Variants in STX18 observed in about 807,000 individuals in gnomAD.
The protein encoded by STX18 is syntaxin-18.
STX18 carries 40 observed loss-of-function variants against 50.1 expected under a neutral mutation model. The ratio of observed to expected loss-of-function variants is 0.80; its 90% CI spans 0.62 to 1.04. STX18 has a LOEUF of 1.04. Ranked by LOEUF, STX18 falls within the 50% of genes least tolerant of loss-of-function variation. The pLI is 0.00. For synonymous variants in STX18, 158 were observed against 151.8 expected (o/e 1.04, Z -0.30); for missense variants, 410 against 415.8 (o/e 0.99, Z 0.12).
chr4:4,490,746 T>C (rs1388708222), intron 1 of STX18, among the ~76,000 whole-genome samples: 46 of 152,178 alleles, frequency 3.0e-4, no homozygotes, highest in Non-Finnish European at 5.9e-5. Flanking sequence ...TTAACCTTTA[T>C]TTTAAATTAC....
chr4:4,504,408 A>T (rs1165648668), intron 1 of STX18, among the ~76,000 whole-genome samples: 1 of 152,224 alleles, frequency 6.6e-6, no homozygotes, highest in Non-Finnish European at 1.5e-5. Flanking sequence ...TCTTAACTGA[A>T]TATCTGTTTT....
At chr4:4,434,304 T>C (rs1463694496) in intron 7 of STX18, among the ~76,000 whole-genome samples, 1 of 152,080 alleles carries the variant, frequency 6.6e-6, no homozygotes, top group Non-Finnish European at 1.5e-5. Flanking sequence ...AACCCACCCA[T>C]AGATGGTAAG....
intron 7 of STX18, among the ~76,000 whole-genome samples, chr4:4,426,908 G>C (rs1325751121): frequency 2.6e-5 from 4 of 152,134 alleles, no homozygotes; most frequent in African/African-American, 9.7e-5. Context: ...TGCTCTGACA[G>C]GCTAGTTTCC....
intron 1 of STX18, among the ~76,000 whole-genome samples, chr4:4,488,587 C>A (rs184591834): frequency 6.6e-6 from 1 of 152,200 alleles, no homozygotes; most frequent in African/African-American, 2.4e-5. Flanking sequence ...CTAGGTGGTG[C>A]TCTCCACCAC....
intron 1 of STX18, among the ~76,000 whole-genome samples, chr4:4,498,080 TATTA>T (rs1441199969): frequency 6.6e-6 from 1 of 152,210 alleles, no homozygotes; most frequent in Non-Finnish European, 1.5e-5. Context: ...TTAATAACGG[TATTA>T]ATTAGGAAAT....
chr4:4,445,587 T>C (rs763322734), intron 5 of STX18, among the ~76,000 whole-genome samples: 1 of 151,062 alleles, frequency 6.6e-6, no homozygotes, highest in Non-Finnish European at 1.5e-5. Flanking sequence ...TCGTTTACAA[T>C]AGAATAAAAA....
At position 4,507,236 on chromosome 4, in the gene STX18, C is replaced by T. The variant is rs1198562813; in HGVS notation, c.168+34561G>A. ...CATGCAATTATGAGGGTAAACAACC[C>T]ATACTTTACAGTGTACTATAAAGAG... is the stretch of plus-strand genomic sequence containing the variant. On this transcript the variant is annotated intron_variant, in intron 1 of 10. Transcript: ENST00000306200. 4.6e-6 allele frequency: 3 copies of T among 651,192 alleles called. No individual in the cohort carries two copies. The African/African-American group carries it at 5.4e-5, about 12-fold the overall frequency. 40.3% of individuals were successfully genotyped at this position (651,192 alleles called of 1,614,324 possible).
intron 1 of STX18, chr4:4,507,005 A>G: frequency 5.2e-6 from 2 of 386,210 alleles, no homozygotes; most frequent in South Asian, 2.1e-5. Flanking sequence ...AGCTTACTGT[A>G]TGCTAATCTA....
At chr4:4,539,471 G>A (rs539425793) in intron 1 of STX18, among the ~76,000 whole-genome samples, 4 of 152,276 alleles carry the variant, frequency 2.6e-5, no homozygotes, top group African/African-American at 9.6e-5. Flanking sequence ...AGTGGGGAAC[G>A]GTTGCAAGAA....
At position 4,423,464 on chromosome 4, in the gene STX18, A is replaced by C. The variant is rs1725070401; in HGVS notation, c.831+54T>G. Reference sequence around the variant, plus strand: ...TTGGGAAAAATGTCTCGTGCTCTCAAGTACATTCCCCTTTGAGTGAAAACA... The same window carrying C: ...TTGGGAAAAATGTCTCGTGCTCTCACGTACATTCCCCTTTGAGTGAAAACA... On this transcript the variant is annotated intron_variant, in intron 9 of 10. Coordinates refer to ENST00000306200, the MANE Select transcript of STX18 (RefSeq NM_016930.4). 10 of 1,568,090 alleles carry C rather than the reference A, an allele frequency of 6.4e-6. No homozygotes were observed. The East Asian group carries it at 2.2e-4, about 35-fold the overall frequency.
Position 4,420,089 on chromosome 4 carries a change from A to G in STX18, c.953T>C (p.Phe318Ser), listed in dbSNP as rs997730123. 1.2e-5 allele frequency: 19 copies of G among 1,613,444 alleles called. No homozygotes were observed. The highest frequency in any genetic ancestry group is 1.7e-5 in the Admixed American group (1 of 59,944). Residue 318 changes from phenylalanine (F) to serine (S), a missense_variant, in exon 11 of 11, where the codon TTC becomes TCC. Phe to Ser is a radical substitution (Grantham distance 155). Coordinates refer to ENST00000306200, the MANE Select transcript of STX18 (RefSeq NM_016930.4). This position sits in a 1 kb window ranked among gnomAD's most constrained non-coding sequence, Gnocchi z 4.3. ...GGAGAAGGAGCACATCACGAGGAAGAAGAGGATCCACACGCGGAAGCCAGC... is the reference window on the plus strand; with the variant it reads ...GGAGAAGGAGCACATCACGAGGAAGGAGAGGATCCACACGCGGAAGCCAGC... ...NNAGFRVWIL[F>S]FLVMCSFSLL...
chr4:4,432,634 A>T (rs1478955941), intron 7 of STX18, among the ~76,000 whole-genome samples: 1 of 152,258 alleles, frequency 6.6e-6, no homozygotes, highest in Non-Finnish European at 1.5e-5. Context: ...ACAGAGGTCC[A>T]GAGCAGTGAG....
intron 1 of STX18, among the ~76,000 whole-genome samples, chr4:4,483,011 G>C (rs1019528090): frequency 1.3e-5 from 2 of 152,204 alleles, no homozygotes; most frequent in Non-Finnish European, 2.9e-5. Flanking sequence ...TTTAGAGACA[G>C]AAGGAGAGAA....
At chr4:4,468,493 C>T (rs1287209390) in intron 2 of STX18, among the ~76,000 whole-genome samples, 1 of 152,090 alleles carries the variant, frequency 6.6e-6, no homozygotes, top group South Asian at 2.1e-4. Flanking sequence ...CGCAGCATCG[C>T]TCCTGCCTTC....
chr4:4,532,995 C>T (rs1049070584), intron 1 of STX18, among the ~76,000 whole-genome samples: 2 of 151,996 alleles, frequency 1.3e-5, no homozygotes, highest in Non-Finnish European at 2.9e-5. Flanking sequence ...TTTTGACAAA[C>T]AGACATATGT....
rs915179807 is a variant in STX18, at chr4:4,444,880, C to T, written c.498-6371G>A. Among the ~76,000 whole-genome samples the T allele has an allele frequency of 4.6e-5, 7 of 152,128 alleles. No homozygotes were observed. The East Asian group carries it at 9.6e-4, about 21-fold the overall frequency. ...GGTGCAGTGGCTCATGCCTATAATCCCAACACTTCATACTTAATGGTGAAG... is the reference window on the plus strand; with the variant it reads ...GGTGCAGTGGCTCATGCCTATAATCTCAACACTTCATACTTAATGGTGAAG... On this transcript the variant is annotated intron_variant, in intron 5 of 10. Transcript: ENST00000306200.
At chr4:4,515,571 A>G (rs1248281141) in intron 1 of STX18, among the ~76,000 whole-genome samples, 2 of 152,160 alleles carry the variant, frequency 1.3e-5, no homozygotes, top group African/African-American at 4.8e-5. Flanking sequence ...TATACTGGAT[A>G]CCAGTCTGAT....
At chr4:4,454,222 G>A (rs1726946440) in intron 5 of STX18, among the ~76,000 whole-genome samples, 1 of 152,160 alleles carries the variant, frequency 6.6e-6, no homozygotes, top group African/African-American at 2.4e-5. Context: ...AAGAAGGAGG[G>A]TGCTGAACTA....
intron 1 of STX18, among the ~76,000 whole-genome samples, chr4:4,506,757 G>T (rs1410179883): frequency 6.6e-6 from 1 of 152,188 alleles, no homozygotes; most frequent in Non-Finnish European, 1.5e-5. Context: ...GAGAATAAAT[G>T]CAATAATAAT....
Sources: gnomAD v4.1 joint callset for allele counts (sites outside exome capture counted in the v4.1 genomes callset) on GRCh38, gnomAD v4.1.1 for gene constraint, Gnocchi (gnomAD v3.1) non-coding constraint, MANE v1.5 for transcripts, NCBI Gene and HGNC (gene_info 2026-07-23, HGNC 2026-07-21) for gene names.